Variants in FAP observed in about 807,000 individuals in gnomAD.
FAP encodes fibroblast activation protein alpha, also known as prolyl endopeptidase FAP.
A neutral mutation model predicts 126.5 loss-of-function variants in FAP; 110 were observed. The observed-to-expected ratio is 0.87, with a 90% CI of 0.74 to 1.02. FAP has a LOEUF of 1.02. Ranked by LOEUF, FAP falls within the 50% of genes least tolerant of loss-of-function variation. The pLI, the probability that FAP is intolerant of heterozygous loss-of-function variation, is 0.00. For missense variants in FAP, 919 were observed against 909.2 expected (o/e 1.01, Z -0.14); for synonymous variants, 334 against 297.3 (o/e 1.12, Z -1.27).
At chr2:162,227,346 T>C (rs1689698834) in intron 2 of FAP, among the ~76,000 whole-genome samples, 1 of 152,122 alleles carries the variant, frequency 6.6e-6, no homozygotes, top group South Asian at 2.1e-4. Context: ...ACAAATTCAA[T>C]CTATATTTGA....
At chr2:162,242,837 C>A in intron 2 of FAP, 71 bp downstream of exon 2, 1 of 1,148,658 alleles carries the variant, frequency 8.7e-7, no homozygotes, top group Admixed American at 1.9e-5. Context: ...TGTTCAACCA[C>A]TTGTGATCTT....
At chr2:162,212,786 T>G (rs1390626301) in intron 11 of FAP, among the ~76,000 whole-genome samples, 2 of 152,230 alleles carry the variant, frequency 1.3e-5, no homozygotes, top group African/African-American at 4.8e-5. Context: ...TCAAATATCC[T>G]ATTTAAAGAA....
In FAP at chr2:162,218,561, TTAGATAGATAGA is replaced by T. The variant is rs3217172; in HGVS notation, c.608-433_608-422del. On this transcript the variant is annotated intron_variant, in intron 8 of 25. Coordinates refer to ENST00000188790, the MANE Select transcript of FAP (RefSeq NM_004460.5). Reference sequence around the variant, plus strand: ...AAAAAAAACCAAAAACACAGTTAGTTTAGATAGATAGATAGATAGATAGATAGATAGATAGAT... The same window carrying T: ...AAAAAAAACCAAAAACACAGTTAGTTTAGATAGATAGATAGATAGATAGAT... Among the ~76,000 whole-genome samples the T allele has an allele frequency of 1.7e-3, 252 of 148,572 alleles. 2 individuals carry two copies. The highest frequency in any genetic ancestry group is 2.0e-3 in the East Asian group (10 of 5,068).
At position 162,170,939 on chromosome 2, in the gene FAP, G is replaced by A. The variant is rs758105741; in HGVS notation, c.*40C>T. ...CAAACTGTCTGAGGGGTTTATATAA[G>A]GTTTTCAGATTCTGATACAGGCTTG... On this transcript the variant is annotated 3_prime_UTR_variant, in exon 26 of 26. Transcript: ENST00000188790. 2.0e-6 allele frequency: 3 copies of A among 1,488,160 alleles called. No individual in the cohort carries two copies. The highest frequency in any genetic ancestry group is 2.3e-5 in the East Asian group (1 of 44,260). The allele number at this position is 1,488,160 out of a possible 1,614,324, so 92.2% of individuals were successfully genotyped here.
At chr2:162,203,207 T>C in intron 12 of FAP, 62 bp from the exon 13 acceptor site, 2 of 1,136,680 alleles carry the variant, frequency 1.8e-6, no homozygotes, top group Non-Finnish European at 2.6e-6. Context: ...ATAGATTTTG[T>C]TTTAATATAT....
At chr2:162,206,547 C>T (rs556105949) in intron 12 of FAP, among the ~76,000 whole-genome samples, 1 of 152,172 alleles carries the variant, frequency 6.6e-6, no homozygotes, top group South Asian at 2.1e-4. Flanking sequence ...AGGGATTTTG[C>T]CAGCCGCCTA....
intron 10 of FAP, 91 bp downstream of exon 10, chr2:162,215,805 CTT>C (rs1689138655): frequency 7.2e-6 from 6 of 832,932 alleles, no homozygotes; most frequent in Non-Finnish European, 2.0e-6. Context: ...GTGTGCAACT[CTT>C]ATCTACTTAT....
intron 25 of FAP, chr2:162,171,888 C>T (rs1174908501): frequency 6.6e-6 from 1 of 151,998 alleles, no homozygotes; most frequent in Admixed American, 6.6e-5. Context: ...ATACCCATCA[C>T]CTCAAACAAA....
chr2:162,218,097 A>G lies in FAP; in HGVS notation c.651T>C (p.Asn217=). ...ATKYALWWSP[N]GKFLAYAEFN... ...ATTCCGCATATGCCAAAAATTTTCC[A>G]TTAGGAGACCACCAGAGAGCATATT... The change falls in exon 9 of 26, where the codon AAT becomes AAC. Residue 217 remains asparagine, a synonymous_variant. Transcript: ENST00000188790. The G allele has an allele frequency of 6.2e-7, 1 of 1,609,946 alleles. No individual in the cohort carries two copies. Among genetic ancestry groups the G allele is most frequent in the Non-Finnish European group, 8.5e-7 (1 of 1,177,946 alleles).
At chr2:162,204,919 AC>A (rs1316257497) in intron 12 of FAP, among the ~76,000 whole-genome samples, 1 of 152,160 alleles carries the variant, frequency 6.6e-6, no homozygotes, top group East Asian at 1.9e-4. Flanking sequence ...ACATATACAA[AC>A]CAAAACCTAA....
chr2:162,179,802 AT>A (rs1687625981), intron 21 of FAP, among the ~76,000 whole-genome samples: 1 of 133,498 alleles, frequency 7.5e-6, no homozygotes, highest in Non-Finnish European at 1.6e-5. Flanking sequence ...ATATATATAT[AT>A]ATATATATAT....
At chr2:162,213,513 C>A (rs1200766520) in intron 11 of FAP, among the ~76,000 whole-genome samples, 1 of 150,204 alleles carries the variant, frequency 6.7e-6, no homozygotes, top group South Asian at 2.1e-4. Flanking sequence ...TTGAATAGAA[C>A]ATGCCCCATT....
chr2:162,183,810 A>G (rs1687772865), intron 20 of FAP, among the ~76,000 whole-genome samples: 1 of 152,110 alleles, frequency 6.6e-6, no homozygotes, highest in Admixed American at 6.6e-5. Flanking sequence ...ATTGAGCAGG[A>G]CCAAGTTTCC....
intron 16 of FAP, among the ~76,000 whole-genome samples, chr2:162,197,234 A>G (rs1688288718): frequency 6.6e-6 from 1 of 152,184 alleles, no homozygotes; most frequent in Non-Finnish European, 1.5e-5. Flanking sequence ...CAAACATTGA[A>G]TGTCTATTAT....
intron 10 of FAP, 62 bp from the exon 11 acceptor site, chr2:162,214,135 C>G: frequency 6.4e-7 from 1 of 1,554,120 alleles, no homozygotes; most frequent in East Asian, 2.3e-5. Context: ...CAAATAATTT[C>G]TTAATTTTTG....
At chr2:162,232,636 T>C (rs889733635) in intron 2 of FAP, among the ~76,000 whole-genome samples, 1 of 152,212 alleles carries the variant, frequency 6.6e-6, no homozygotes, top group Non-Finnish European at 1.5e-5. Context: ...GTCTCAGCTC[T>C]AACAGCAATT....
chr2:162,225,786 C>T (rs913076916), intron 3 of FAP, among the ~76,000 whole-genome samples: 3 of 152,102 alleles, frequency 2.0e-5, no homozygotes, highest in Non-Finnish European at 4.4e-5. Flanking sequence ...GCCACATTTG[C>T]AAACAGCAGC....
intron 2 of FAP, among the ~76,000 whole-genome samples, chr2:162,232,220 A>T (rs1441549281): frequency 6.6e-6 from 1 of 152,250 alleles, no homozygotes; most frequent in Non-Finnish European, 1.5e-5. Context: ...AAGTTCTTGT[A>T]CATACCAAGT....
intron 17 of FAP, 21 bp from the exon 18 acceptor site, chr2:162,189,775 A>G: frequency 7.4e-7 from 1 of 1,351,470 alleles, no homozygotes; most frequent in Non-Finnish European, 1.0e-6. Flanking sequence ...TTAAATGTTC[A>G]TTTTTAATCA....
Sources: allele counts gnomAD v4.1 joint callset (sites outside exome capture counted in the v4.1 genomes callset), GRCh38; gene constraint gnomAD v4.1.1; transcripts MANE v1.5; gene names NCBI Gene and HGNC (gene_info 2026-07-23, HGNC 2026-07-21).